WDR20: variants seen among roughly 807,000 people sequenced by gnomAD.
WDR20 encodes the protein WD repeat domain 20, also known as WD repeat-containing protein 20.
A neutral mutation model predicts 38.7 loss-of-function variants in WDR20; 3 were observed. That is an observed-to-expected ratio of 0.08 (90% CI 0.04 to 0.20). The LOEUF is 0.20. WDR20 is among the 10% of genes least tolerant of loss of function. WDR20 has a pLI of 1.00. For synonymous variants in WDR20, 298 were observed against 285.6 expected (o/e 1.04, Z -0.44); for missense variants, 559 against 727.7 (o/e 0.77, Z 2.67).
Position 102,183,494 on chromosome 14 carries a change from G to A in WDR20, c.250-11444G>A, listed in dbSNP as rs747795678. ...ATATGATATACAATTACTGCTACAC[G>A]TGTTGTTTATTGAAATTTTAGACAT... On this transcript the variant is annotated intron_variant, in intron 1 of 2. Transcript: ENST00000342702. 2.0e-5 allele frequency among the ~76,000 whole-genome samples: 3 copies of A among 152,186 alleles called. No homozygotes were observed. The East Asian group carries it at 5.8e-4, about 29-fold the overall frequency.
intron 1 of WDR20, among the ~76,000 whole-genome samples, chr14:102,143,462 C>G (rs544055032): frequency 6.6e-6 from 1 of 152,002 alleles, no homozygotes; most frequent in African/African-American, 2.4e-5. Flanking sequence ...AGTAATAATA[C>G]CAGGCAAGGT....
intron 2 of WDR20, among the ~76,000 whole-genome samples, chr14:102,202,120 G>T (rs2060506288): frequency 6.6e-6 from 1 of 152,024 alleles, no homozygotes; most frequent in Non-Finnish European, 1.5e-5. Context: ...CCCCTACGGT[G>T]TCCCTTTGCT....
intron 1 of WDR20, among the ~76,000 whole-genome samples, chr14:102,184,119 A>T (rs1005575781): frequency 1.3e-5 from 2 of 152,252 alleles, no homozygotes; most frequent in African/African-American, 2.4e-5. Context: ...TGAATATGTC[A>T]GCATTTTAAT....
downstream of WDR20, chr14:102,214,571 G>A (rs1043362643): frequency 5.1e-6 from 5 of 985,274 alleles, no homozygotes; most frequent in Admixed American, 2.5e-4. Flanking sequence ...TCATTTGAAA[G>A]TGTAAAAAAT....
chr14:102,200,367 C>G (rs917327305), intron 2 of WDR20, among the ~76,000 whole-genome samples: 9 of 152,154 alleles, frequency 5.9e-5, no homozygotes, highest in Non-Finnish European at 1.2e-4. Context: ...GTGTCCTCAT[C>G]ATCAGAGCTG....
Position 102,148,168 on chromosome 14 carries a change from A to C in WDR20, c.249+7996A>C, listed in dbSNP as rs79247180. Among the ~76,000 whole-genome samples the C allele has an allele frequency of 4.5e-3, 691 of 152,350 alleles. 6 individuals are homozygous for C. The highest frequency in any genetic ancestry group is 0.015 in the African/African-American group (641 of 41,582). On this transcript the variant is annotated intron_variant, in intron 1 of 2. Coordinates refer to ENST00000342702, the MANE Select transcript of WDR20 (RefSeq NM_144574.4). ...ATCTTGTTTGGTTATTCAGGAGAAG[A>C]CCTTAAAAATAGAAGTAACCTTAAT...
intron 1 of WDR20, among the ~76,000 whole-genome samples, chr14:102,149,725 ACT>A (rs2055046004): frequency 6.6e-6 from 1 of 152,092 alleles, no homozygotes; most frequent in South Asian, 2.1e-4. Flanking sequence ...ACGGAGTCTC[ACT>A]CTGTCGCCCA....
chr14:102,164,429 T>A lies in WDR20; in HGVS notation c.249+24257T>A, dbSNP rs1423407005. 3.3e-5 allele frequency among the ~76,000 whole-genome samples: 5 copies of A among 152,192 alleles called. No individual in the cohort carries two copies. In the East Asian group the frequency reaches 9.6e-4, roughly 29 times the overall value. ...ATCTCCTCTAGTCCACCTCTGGCAC[T>A]CTCTCCCACAGTGACATGCGGGATC... On this transcript the variant is annotated intron_variant, in intron 1 of 2. Transcript: ENST00000342702.
chr14:102,173,464 ATTATTATTATTATTATTT>A (rs1294891103), intron 1 of WDR20, among the ~76,000 whole-genome samples: 193 of 132,302 alleles, frequency 1.5e-3, no homozygotes, highest in African/African-American at 5.3e-3. Context: ...TATTATTATT[ATTATTATTATTATTATTT>A]TTATCAATAG....
intron 1 of WDR20, among the ~76,000 whole-genome samples, chr14:102,192,679 T>C (rs2058710958): frequency 6.6e-6 from 1 of 152,046 alleles, no homozygotes; most frequent in Middle Eastern, 3.2e-3. Context: ...CTTCCTCTGT[T>C]GTTTCTGAGA....
chr14:102,218,482 C>T (rs542265732), downstream of WDR20, among the ~76,000 whole-genome samples: 1 of 152,366 alleles, frequency 6.6e-6, no homozygotes, highest in Admixed American at 6.5e-5. Context: ...TCAGAATCTC[C>T]AGTCCGAGCA....
At chr14:102,139,874 C>T (rs762981900), upstream of WDR20, 1 of 1,593,504 alleles carries the variant, frequency 6.3e-7, no homozygotes, top group African/African-American at 1.3e-5. Flanking sequence ...AGCGCCTGCG[C>T]GGTGGGCGTG....
chr14:102,168,682 A>G (rs1441415534), intron 1 of WDR20, among the ~76,000 whole-genome samples: 1 of 152,160 alleles, frequency 6.6e-6, no homozygotes, highest in Non-Finnish European at 1.5e-5. Context: ...AGATCATTGT[A>G]AAAAGTTGTT....
At chr14:102,185,449 A>G (rs1223965630) in intron 1 of WDR20, among the ~76,000 whole-genome samples, 4 of 152,072 alleles carry the variant, frequency 2.6e-5, no homozygotes, top group Non-Finnish European at 5.9e-5. Context: ...ACTAGGTGCC[A>G]CCTCACATGT....
rs925926856 is a variant in WDR20 at position 102,194,396 on chromosome 14, G to T, written c.250-542G>T. On this transcript the variant is annotated intron_variant, in intron 1 of 2. Transcript: ENST00000342702. ...CTGGAAGCCTCTTTACGACTTGCTG[G>T]CCCTACTCCCATAGTTTCTGATTCA... Among the ~76,000 whole-genome samples, 4 of 152,196 alleles carry T rather than the reference G, an allele frequency of 2.6e-5. No individual in the cohort carries two copies. The East Asian group carries it at 5.8e-4, about 22-fold the overall frequency.
chr14:102,191,500 G>C (rs1305225620), intron 1 of WDR20: 1 of 152,238 alleles, frequency 6.6e-6, no homozygotes, highest in Non-Finnish European at 1.5e-5. Context: ...GAGGACAGGC[G>C]AGTGGGAGAC....
chr14:102,194,366 A>C lies in WDR20; in HGVS notation c.250-572A>C, dbSNP rs115850912. Among the ~76,000 whole-genome samples, 693 of 152,328 alleles carry C rather than the reference A, an allele frequency of 4.5e-3. 6 individuals carry two copies. The highest frequency in any genetic ancestry group is 0.015 in the African/African-American group (642 of 41,570). Reference sequence around the variant, plus strand: ...TTCTTAGACTTGAGCGGGCATCAGAATCACCTGGAAGCCTCTTTACGACTT... The same window carrying C: ...TTCTTAGACTTGAGCGGGCATCAGACTCACCTGGAAGCCTCTTTACGACTT... On this transcript the variant is annotated intron_variant, in intron 1 of 2. Coordinates refer to ENST00000342702, the MANE Select transcript of WDR20 (RefSeq NM_144574.4).
chr14:102,214,859 T>C (rs913018628), downstream of WDR20: 9 of 984,500 alleles, frequency 9.1e-6, no homozygotes, highest in African/African-American at 1.6e-4. Context: ...GAAATCATGT[T>C]TGTTTCACTG....
At chr14:102,182,085 G>A (rs752992758) in intron 1 of WDR20, among the ~76,000 whole-genome samples, 5 of 152,114 alleles carry the variant, frequency 3.3e-5, no homozygotes, top group Non-Finnish European at 7.4e-5. Context: ...GTAGGATTCA[G>A]TTTTCCTAGA....
Sources: gnomAD v4.1 joint callset for allele counts (sites outside exome capture counted in the v4.1 genomes callset) on GRCh38, gnomAD v4.1.1 for gene constraint, MANE v1.5 for transcripts, NCBI Gene and HGNC (gene_info 2026-07-23, HGNC 2026-07-21) for gene names.